The following RET variants were observed in gnomAD, a reference collection of about 807,000 sequenced individuals.
RET encodes the protein proto-oncogene tyrosine-protein kinase receptor Ret.
Under a neutral mutation model 118.3 loss-of-function variants are expected in RET, and 19 were observed. That is an observed-to-expected ratio of 0.16 (90% CI 0.11 to 0.24). RET has a LOEUF of 0.24. RET is among the 10% of genes least tolerant of loss of function. The probability of loss-of-function intolerance (pLI) is 1.00; values close to 1 mark genes in which losing one functional copy is unlikely to be tolerated. For missense variants in RET, 1,219 were observed against 1,502.1 expected, an observed-to-expected ratio of 0.81 and a Z score of 3.12; for synonymous variants, 597 against 644.1, an observed-to-expected ratio of 0.93 and a Z score of 1.11.
chr10:43,087,461 T>C (rs1837314224), intron 1 of RET, among the ~76,000 whole-genome samples: 1 of 152,254 alleles, frequency 6.6e-6, no homozygotes, highest in African/African-American at 2.4e-5. Flanking sequence ...GTATATGCAC[T>C]GAGCTGTCCA....
rs1052703455 is a variant in RET, at chr10:43,077,341, G to A, written c.73+10G>A. On this transcript the variant is annotated intron_variant, in intron 1 of 19. Coordinates refer to ENST00000355710, the MANE Select transcript of RET (RefSeq NM_020975.6). ...CCGCTGCTAGGCAAAGGTGAGTTCT[G>A]CCGGCCGCCGGCTCCCGCAGGGGCC... is the stretch of plus-strand genomic sequence containing the variant. 1.3e-6 allele frequency: 2 copies of A among 1,506,076 alleles called. No homozygotes were observed. The highest frequency in any genetic ancestry group is 1.8e-6 in the Non-Finnish European group (2 of 1,132,778). The allele number at this position is 1,506,076 out of a possible 1,614,324, so 93.3% of individuals were successfully genotyped here. A position where few individuals can be genotyped will look rare whatever the true frequency, so the allele number is the denominator to read the frequency against.
intron 1 of RET, among the ~76,000 whole-genome samples, chr10:43,089,111 C>T (rs1837356713): frequency 6.6e-6 from 1 of 152,234 alleles, no homozygotes; most frequent in African/African-American, 2.4e-5. Context: ...TCAGCCTGGG[C>T]TAGGCACTCT....
intron 16 of RET, 62 bp from the exon 17 acceptor site, chr10:43,123,609 C>A (rs2133002588): frequency 6.2e-7 from 1 of 1,609,054 alleles, no homozygotes; most frequent in Non-Finnish European, 8.5e-7. Flanking sequence ...GATATCTGGG[C>A]CCCCCGGAGG....
intron 1 of RET, among the ~76,000 whole-genome samples, chr10:43,100,208 G>T (rs942603750): frequency 6.6e-6 from 1 of 152,142 alleles, no homozygotes; most frequent in African/African-American, 2.4e-5. Context: ...GTGCCCTTCC[G>T]GCTTGGATGA....
intron 13 of RET, among the ~76,000 whole-genome samples, chr10:43,118,807 A>G (rs559875056): frequency 2.0e-5 from 3 of 152,320 alleles, no homozygotes; most frequent in African/African-American, 7.2e-5. Context: ...CTAGGAATGG[A>G]CAGTGCATCC....
intron 1 of RET, among the ~76,000 whole-genome samples, chr10:43,078,726 G>A (rs944662512): frequency 2.0e-5 from 3 of 152,212 alleles, no homozygotes; most frequent in Non-Finnish European, 4.4e-5. Context: ...ACAGCCTTGC[G>A]TTCAGTTGGG....
At chr10:43,120,476 C>A (rs992582119) in intron 15 of RET, among the ~76,000 whole-genome samples, 1 of 152,224 alleles carries the variant, frequency 6.6e-6, no homozygotes, top group East Asian at 1.9e-4. Context: ...TTTCAGAGGC[C>A]ACCTCATGCT....
chr10:43,121,128 T>C (rs7094821), intron 15 of RET, among the ~76,000 whole-genome samples: 1 of 151,838 alleles, frequency 6.6e-6, no homozygotes, highest in Admixed American at 6.6e-5. Context: ...CTGTGGAGGG[T>C]GTGGACAGAG....
intron 1 of RET, among the ~76,000 whole-genome samples, chr10:43,092,356 A>G (rs1837428733): frequency 1.3e-5 from 2 of 152,216 alleles, no homozygotes; most frequent in Non-Finnish European, 2.9e-5. Flanking sequence ...ACAGAATTTC[A>G]GTTTTACAGG....
intron 6 of RET, among the ~76,000 whole-genome samples, chr10:43,109,803 A>ATG (rs2132752300): frequency 6.6e-6 from 1 of 152,348 alleles, no homozygotes; most frequent in Non-Finnish European, 1.5e-5. Context: ...TTCATTAAAG[A>ATG]AGATGAGGCA....
Position 43,124,918 on chromosome 10 carries a change from C to G in RET, c.2975C>G (p.Pro992Arg), listed in dbSNP as rs758191409. 2 of 1,614,164 alleles carry G rather than the reference C, an allele frequency of 1.2e-6. No individual in the cohort carries two copies. The highest frequency in any genetic ancestry group is 1.7e-6 in the Non-Finnish European group (2 of 1,180,042). The change falls in exon 18 of 20, where the codon CCG (proline) becomes CGG (arginine). Residue 992 changes from proline to arginine, a missense_variant. Pro to Arg is a moderately radical substitution (Grantham distance 103). Transcript: ENST00000355710. ...ATGCTGCAATGCTGGAAGCAGGAGCCGGACAAAAGGCCGGTGTTTGCGGAC... is the reference window on the plus strand; with the variant it reads ...ATGCTGCAATGCTGGAAGCAGGAGCGGGACAAAAGGCCGGTGTTTGCGGAC... The part of the protein sequence containing the change: ...RLMLQCWKQE[P>R]DKRPVFADIS...
chr10:43,088,152 G>T (rs1432620672), intron 1 of RET, among the ~76,000 whole-genome samples: 1 of 151,900 alleles, frequency 6.6e-6, no homozygotes, highest in East Asian at 1.9e-4. Context: ...CAGTTGTGGT[G>T]GTGATGGTGC....
At chr10:43,119,032 A>G (rs1838139550) in intron 13 of RET, among the ~76,000 whole-genome samples, 2 of 152,162 alleles carry the variant, frequency 1.3e-5, no homozygotes, top group South Asian at 4.1e-4. Context: ...GGGAACCCAA[A>G]CACCGGGAGT....
intron 1 of RET, among the ~76,000 whole-genome samples, chr10:43,085,166 G>T (rs933563737): frequency 2.6e-5 from 4 of 152,164 alleles, no homozygotes; most frequent in Non-Finnish European, 5.9e-5. Flanking sequence ...TCTGCTTGGT[G>T]GGGGTGGAAC....
chr10:43,085,475 C>A (rs1837269762), intron 1 of RET, among the ~76,000 whole-genome samples: 1 of 152,234 alleles, frequency 6.6e-6, no homozygotes, highest in African/African-American at 2.4e-5. Flanking sequence ...CCTCACCCCC[C>A]AGGGGCCACC....
At chr10:43,113,739 C>A (rs1269738808) in intron 10 of RET, 64 bp downstream of exon 10, 2 of 1,600,380 alleles carry the variant, frequency 1.2e-6, no homozygotes, top group East Asian at 4.5e-5. Context: ...AACAGCACAT[C>A]TGAGGTCCCA....
chr10:43,114,375 G>A lies in RET; in HGVS notation c.1880-105G>A, dbSNP rs796526449. ...CCTCCATGGCCACTTCCCAGCTGGC[G>A]CGGACACGGCAGGCTGGAGAGCCAT... On this transcript the variant is annotated intron_variant, in intron 10 of 19. Transcript: ENST00000355710. This position sits in a 1 kb window ranked among gnomAD's most constrained non-coding sequence, Gnocchi z 4.6. 5.5e-5 allele frequency: 82 copies of A among 1,499,574 alleles called. No homozygotes were observed. The highest frequency in any genetic ancestry group is 9.4e-5 in the East Asian group (4 of 42,602). 92.9% of individuals were successfully genotyped at this position (1,499,574 alleles called of 1,614,324 possible). A position where few individuals can be genotyped will look rare whatever the true frequency, so the allele number is the denominator to read the frequency against.
chr10:43,126,555 C>T lies in RET; in HGVS notation c.3040-20C>T, dbSNP rs372172456. 2.6e-4 allele frequency: 416 copies of T among 1,607,818 alleles called. No individual in the cohort carries two copies. Among genetic ancestry groups the T allele is most frequent in the Non-Finnish European group, 3.3e-4 (388 of 1,175,378 alleles). ...GTTGTGGCACATGGCTTGGAGTGAC[C>T]GGCCATCTCTGTCTTCCAGGACTAC... On this transcript the variant is annotated intron_variant, in intron 18 of 19. Coordinates refer to ENST00000355710, the MANE Select transcript of RET (RefSeq NM_020975.6).
At chr10:43,099,797 C>G (rs1837597379) in intron 1 of RET, among the ~76,000 whole-genome samples, 1 of 152,214 alleles carries the variant, frequency 6.6e-6, no homozygotes, top group Non-Finnish European at 1.5e-5. Context: ...GCCTGGCTTC[C>G]TCACCTTGGC....
Sources: gnomAD v4.1 joint callset for allele counts (sites outside exome capture counted in the v4.1 genomes callset) on GRCh38, gnomAD v4.1.1 for gene constraint, Gnocchi (gnomAD v3.1) non-coding constraint, MANE v1.5 for transcripts, NCBI Gene and HGNC (gene_info 2026-07-23, HGNC 2026-07-21) for gene names.